ANXA5: variants seen among roughly 807,000 people sequenced by gnomAD.
ANXA5 encodes CBP-I.
Under a neutral mutation model 48.1 loss-of-function variants are expected in ANXA5, and 40 were observed. That is an observed-to-expected ratio of 0.83 (90% CI 0.65 to 1.08). The LOEUF (loss-of-function observed/expected upper bound fraction) is 1.08, where lower values mean the gene tolerates loss of function less well. Among genes scored for constraint, ANXA5 ranks in the 50% least tolerant of loss-of-function variants. The probability of loss-of-function intolerance (pLI) is 0.00; values close to 1 mark genes in which losing one functional copy is unlikely to be tolerated. For synonymous variants in ANXA5, 113 were observed against 129.1 expected, an observed-to-expected ratio of 0.88 and a Z score of 0.85; for missense variants, 357 against 376.8, an observed-to-expected ratio of 0.95 and a Z score of 0.44.
intron 2 of ANXA5, among the ~76,000 whole-genome samples, chr4:121,691,222 T>C (rs960562971): frequency 3.9e-5 from 6 of 152,204 alleles, no homozygotes; most frequent in African/African-American, 1.2e-4. Context: ...TTCACTCTTT[T>C]AATTCTCACC....
Position 121,681,768 on chromosome 4 carries a change from G to A in ANXA5, c.304-7C>T. The stretch of plus-strand genomic sequence containing the variant: ...TTTCATTTGTTCCAGCTCCCTGTTT[G>A]GAGATTTTAATAGAGAAAACATGTC... On this transcript the variant is annotated splice_region_variant and splice_polypyrimidine_tract_variant and intron_variant, in intron 5 of 12. Coordinates refer to ENST00000296511, the MANE Select transcript of ANXA5 (RefSeq NM_001154.4). The A allele has an allele frequency of 6.2e-7, 1 of 1,600,856 alleles. No individual in the cohort carries two copies. The highest frequency in any genetic ancestry group is 8.6e-7 in the Non-Finnish European group (1 of 1,169,522).
intron 2 of ANXA5, among the ~76,000 whole-genome samples, chr4:121,696,009 T>C (rs1725073865): frequency 6.6e-6 from 1 of 152,028 alleles, no homozygotes; most frequent in South Asian, 2.1e-4. Flanking sequence ...ACGAGTTCAT[T>C]GCTTAAGAAA....
At chr4:121,696,455 G>C (rs978153899) in intron 2 of ANXA5, 126 bp downstream of exon 2, 3 of 863,704 alleles carry the variant, frequency 3.5e-6, no homozygotes, top group African/African-American at 3.6e-5. Context: ...AAGTGGAAGC[G>C]ATGTCCCCAA....
chr4:121,681,706 T>C lies in ANXA5; in HGVS notation c.359A>G (p.Glu120Gly). The C allele has an allele frequency of 6.2e-7, 1 of 1,613,022 alleles. No homozygotes were observed. Among genetic ancestry groups the C allele is most frequent in the South Asian group, 1.1e-5 (1 of 90,980 alleles). ...AACTTGTTTGATGGCTCTCAGTTCT[T>C]CAGGTGTCCTTGAAGCAATAATTTC... ...LTEIIASRTPEELRAIKQVYE... is the reference protein window; with the variant it reads ...LTEIIASRTPGELRAIKQVYE... The change falls in exon 6 of 13, where the codon GAA becomes GGA. Residue 120 changes from glutamate (E) to glycine (G), a missense_variant. Transcript: ENST00000296511.
rs151112719 is a variant in ANXA5 at position 121,678,093 on chromosome 4, C to T, written c.475-143G>A. On this transcript the variant is annotated intron_variant, in intron 7 of 12. Transcript: ENST00000296511. ...TTAAGATCAATCCTGCACTATTTCA[C>T]GTTATCATCACCCAGCACTGTCCAA... 8.0e-3 allele frequency: 5,718 copies of T among 714,560 alleles called. 42 individuals carry two copies. Among genetic ancestry groups the T allele is most frequent in the Non-Finnish European group, 0.01 (4,267 of 409,438 alleles). 44.3% of individuals were successfully genotyped at this position (714,560 alleles called of 1,614,324 possible). A position where few individuals can be genotyped will look rare whatever the true frequency, so the allele number is the denominator to read the frequency against.
rs970418444 is a variant in ANXA5 at position 121,678,497 on chromosome 4, G to T, written c.395-3C>A. On this transcript the variant is annotated splice_region_variant and splice_polypyrimidine_tract_variant and intron_variant, in intron 6 of 12. Transcript: ENST00000296511. ...ATCTTCCAGGCTTGAGCCATATTCT[G>T]CAACAAAATAATTTCATACTTATTT... is the stretch of plus-strand genomic sequence containing the variant. 1.9e-6 allele frequency: 3 copies of T among 1,611,444 alleles called. No individual in the cohort carries two copies. The highest frequency in any genetic ancestry group is 2.5e-6 in the Non-Finnish European group (3 of 1,178,498).
intron 3 of ANXA5, among the ~76,000 whole-genome samples, chr4:121,685,292 T>C (rs1724866700): frequency 6.6e-6 from 1 of 151,916 alleles, no homozygotes; most frequent in Non-Finnish European, 1.5e-5. Flanking sequence ...TAAGGCAAAA[T>C]GTGACAAGTG....
At chr4:121,695,518 A>G (rs9685230) in intron 2 of ANXA5, among the ~76,000 whole-genome samples, 82,113 of 152,074 alleles carry the variant, frequency 0.54, 23,209 homozygotes, top group African/African-American at 0.7. Flanking sequence ...AATCAGTTTT[A>G]GAGTTTTTAA....
chr4:121,669,895 G>A, intron 11 of ANXA5, 59 bp downstream of exon 11: 1 of 1,475,008 alleles, frequency 6.8e-7, no homozygotes. Context: ...AAACAAAAGT[G>A]AAGAATAATA....
intron 2 of ANXA5, 95 bp downstream of exon 2, chr4:121,696,486 A>C (rs746996727): frequency 6.1e-5 from 74 of 1,207,342 alleles, no homozygotes; most frequent in Non-Finnish European, 7.6e-5. Context: ...CTTTCCTCCT[A>C]AACTTTTTGG....
chr4:121,679,155 A>C (rs999600590), intron 6 of ANXA5, among the ~76,000 whole-genome samples: 1 of 152,356 alleles, frequency 6.6e-6, no homozygotes, highest in Middle Eastern at 3.4e-3. Context: ...ATTATTATGC[A>C]AAAGCAAACG....
chr4:121,687,445 A>G (rs1010417714), intron 2 of ANXA5, among the ~76,000 whole-genome samples: 3 of 152,182 alleles, frequency 2.0e-5, no homozygotes, highest in Admixed American at 6.5e-5. Flanking sequence ...ACATTCCCTC[A>G]AAACTCCTGC....
intron 2 of ANXA5, among the ~76,000 whole-genome samples, chr4:121,694,916 T>C (rs1725052728): frequency 6.6e-6 from 1 of 152,208 alleles, no homozygotes; most frequent in Admixed American, 6.5e-5. Flanking sequence ...ACACATGGCC[T>C]TTATGATACT....
intron 2 of ANXA5, among the ~76,000 whole-genome samples, chr4:121,696,113 C>T: frequency 7.3e-6 from 1 of 137,930 alleles, no homozygotes; most frequent in Non-Finnish European, 1.5e-5. Context: ...CTGGAAAAAG[C>T]CAATGCTCAA....
intron 6 of ANXA5, chr4:121,681,243 C>CT (rs1240206859): frequency 6.5e-6 from 1 of 152,966 alleles, no homozygotes; most frequent in East Asian, 1.9e-4. Context: ...CTCAAATGTA[C>CT]TTTATCAACT....
chr4:121,678,432 A>C lies in ANXA5; in HGVS notation c.457T>G (p.Leu153Val). ...GDTSGYYQRM[L>V]VVLLQANRDP... ...CGCAATACCTGAAGGAGAACCACCA[A>C]CATCCGCTGGTAGTACCCTGAAGTG... The change falls in exon 7 of 13, where the codon TTG becomes GTG. Residue 153 changes from leucine (L) to valine (V), a missense_variant. Coordinates refer to ENST00000296511, the MANE Select transcript of ANXA5 (RefSeq NM_001154.4). 1.2e-6 allele frequency: 2 copies of C among 1,613,432 alleles called. No individual in the cohort carries two copies. The highest frequency in any genetic ancestry group is 2.2e-5 in the South Asian group (2 of 90,930).
intron 2 of ANXA5, among the ~76,000 whole-genome samples, chr4:121,688,010 T>C (rs1244813971): frequency 6.6e-6 from 1 of 152,108 alleles, no homozygotes; most frequent in Non-Finnish European, 1.5e-5. Context: ...TGACGGTAAA[T>C]AGGAGGTAGA....
chr4:121,684,878 C>A (rs1225701582), intron 3 of ANXA5, 107 bp from the exon 4 acceptor site: 9 of 805,704 alleles, frequency 1.1e-5, no homozygotes, highest in Admixed American at 2.2e-5. Flanking sequence ...TCTCCCTATG[C>A]GAATATAAAA....
chr4:121,684,681 C>A lies in ANXA5; in HGVS notation c.185G>T (p.Gly62Val), dbSNP rs1050759371. The stretch of plus-strand genomic sequence containing the variant: ...TGGGATGAAGTGTGGTCTTACCCTG[C>A]CAAACAGAGTCTTAAAAGCTGCAGA... ...EISAAFKTLF[G>V]RDLLDDLKSE... is the part of the protein sequence containing the mutation. Residue 62 changes from glycine to valine, a missense_variant, in exon 4 of 13, where the codon GGC becomes GTC. Gly to Val is a moderately radical substitution (Grantham distance 109). Transcript: ENST00000296511. 5 of 1,613,588 alleles carry A rather than the reference C, an allele frequency of 3.1e-6. No individual in the cohort carries two copies. The highest frequency in any genetic ancestry group is 4.2e-6 in the Non-Finnish European group (5 of 1,179,664).
Sources: gnomAD v4.1 joint callset for allele counts (sites outside exome capture counted in the v4.1 genomes callset) on GRCh38, gnomAD v4.1.1 for gene constraint, MANE v1.5 for transcripts, NCBI Gene and HGNC (gene_info 2026-07-23, HGNC 2026-07-21) for gene names.